The following SNPH variants were observed in gnomAD, a reference collection of about 807,000 sequenced individuals.
The protein encoded by SNPH is syntaphilin.
A neutral mutation model predicts 36.8 loss-of-function variants in SNPH; 10 were observed. The observed-to-expected ratio is 0.27, with a 90% CI of 0.17 to 0.46. The LOEUF is 0.46. Ranked by LOEUF, SNPH falls within the 20% of genes least tolerant of loss-of-function variation. SNPH has a pLI of 1.00. For synonymous variants in SNPH, 281 were observed against 312.2 expected (o/e 0.90, Z 1.05); for missense variants, 622 against 744.0 (o/e 0.84, Z 1.91).
chr20:1,282,058 C>T (rs1008967488), intron 2 of SNPH, among the ~76,000 whole-genome samples: 1 of 152,214 alleles, frequency 6.6e-6, no homozygotes, highest in African/African-American at 2.4e-5. Context: ...AGCTTGAACA[C>T]TTTGCCTTTT....
At chr20:1,303,603 TG>T (rs1397168711) in intron 6 of SNPH, among the ~76,000 whole-genome samples, 1 of 151,546 alleles carries the variant, frequency 6.6e-6, no homozygotes, top group Non-Finnish European at 1.5e-5. Context: ...TGTGTCCTGA[TG>T]GGTGGATGGG....
chr20:1,281,120 G>A (rs560708832), intron 2 of SNPH, among the ~76,000 whole-genome samples: 1 of 152,138 alleles, frequency 6.6e-6, no homozygotes, highest in Non-Finnish European at 1.5e-5. Context: ...CCACACAGAG[G>A]CCTGGGCGTC....
At chr20:1,278,567 C>A (rs888693154) in intron 2 of SNPH, among the ~76,000 whole-genome samples, 2 of 152,168 alleles carry the variant, frequency 1.3e-5, no homozygotes, top group African/African-American at 4.8e-5. Context: ...CAGATTACTT[C>A]ACATTTTCTA....
intron 5 of SNPH, among the ~76,000 whole-genome samples, chr20:1,299,969 G>T (rs960002921): frequency 2.0e-5 from 3 of 152,198 alleles, no homozygotes; most frequent in African/African-American, 7.2e-5. Flanking sequence ...CAGGCTGTGA[G>T]GGGTCTCAGC....
At chr20:1,291,577 T>A (rs1021139190) in intron 2 of SNPH, among the ~76,000 whole-genome samples, 1 of 152,176 alleles carries the variant, frequency 6.6e-6, no homozygotes, top group African/African-American at 2.4e-5. Flanking sequence ...CACCAGGCAC[T>A]CTGCTGTCTG....
Position 1,304,124 on chromosome 20 carries a change from C to T in SNPH, c.441-754C>T, listed in dbSNP as rs537330464. ...CTATCTTGTTCACCTGGTGCTTGCCCCCGTCGCTCAGGAGTAACTCTATGC... is the reference window on the plus strand; with the variant it reads ...CTATCTTGTTCACCTGGTGCTTGCCTCCGTCGCTCAGGAGTAACTCTATGC... On this transcript the variant is annotated intron_variant, in intron 6 of 6. Transcript: ENST00000381867. The surrounding 1 kb of genome is among the most constrained non-coding windows in gnomAD (Gnocchi z 4.3). Among the ~76,000 whole-genome samples, 2 of 152,246 alleles carry T rather than the reference C, an allele frequency of 1.3e-5. No individual in the cohort carries two copies. The highest frequency in any genetic ancestry group is 1.3e-4 in the Admixed American group (2 of 15,290).
Position 1,266,592 on chromosome 20 carries a change from G to A in SNPH, c.-599-62G>A. On this transcript the variant is annotated intron_variant, in intron 1 of 6. Coordinates refer to ENST00000381867, the MANE Select transcript of SNPH (RefSeq NM_001318234.2). This position sits in a 1 kb window ranked among gnomAD's most constrained non-coding sequence, Gnocchi z 6.0. ...GCTGTCAGCGGCCGGGGGCTCAGCT[G>A]CCTGGGTGTTCCCCGCCCGCGCTCA... The A allele has an allele frequency of 5.0e-6, 7 of 1,413,484 alleles. No individual in the cohort carries two copies. The highest frequency in any genetic ancestry group is 6.4e-6 in the Non-Finnish European group (7 of 1,090,576). 87.6% of individuals were successfully genotyped at this position (1,413,484 alleles called of 1,614,324 possible). A position where few individuals can be genotyped will look rare whatever the true frequency, so the allele number is the denominator to read the frequency against.
chr20:1,275,457 A>ATG lies in SNPH; in HGVS notation c.-493+8700_-493+8701dup, dbSNP rs2088121038. ...ACACTACATGTCGGGCACAGGGGAT[A>ATG]TGTGACCTTATAGCATCTTCCTGAC... On this transcript the variant is annotated intron_variant, in intron 2 of 6. Transcript: ENST00000381867. Among the ~76,000 whole-genome samples, 3 of 152,204 alleles carry ATG rather than the reference A, an allele frequency of 2.0e-5. No homozygotes were observed. The South Asian group carries it at 6.2e-4, about 31-fold the overall frequency.
rs117477881 is a variant in SNPH, at chr20:1,269,333, G to A, written c.-493+2573G>A. ...TCAGACAACTATGATTACCCTCAAC[G>A]TCATTTATGAAGTCCCAGACCATTA... is the stretch of plus-strand genomic sequence containing the variant. On this transcript the variant is annotated intron_variant, in intron 2 of 6. Transcript: ENST00000381867. Among the ~76,000 whole-genome samples the A allele has an allele frequency of 5.4e-3, 817 of 152,260 alleles. 5 individuals are homozygous for A. The highest frequency in any genetic ancestry group is 8.9e-3 in the Non-Finnish European group (607 of 68,016).
At chr20:1,268,681 G>A (rs959363937) in intron 2 of SNPH, among the ~76,000 whole-genome samples, 1 of 135,834 alleles carries the variant, frequency 7.4e-6, no homozygotes, top group Non-Finnish European at 1.5e-5. Context: ...TCCAGCCTCT[G>A]GCCCATGAGT....
rs147615575 is a variant in SNPH, at chr20:1,274,133, A to G, written c.-493+7373A>G. On this transcript the variant is annotated intron_variant, in intron 2 of 6. Transcript: ENST00000381867. ...AGAAAGAAGAAACTGGCCCAAAGTT[A>G]TATAAGCACAAGTGGTGGGGTGGGG... Among the ~76,000 whole-genome samples, 282 of 152,324 alleles carry G rather than the reference A, an allele frequency of 1.9e-3. 3 individuals carry two copies. The highest frequency in any genetic ancestry group is 2.5e-3 in the Non-Finnish European group (167 of 68,028).
rs1246319577 is a variant in SNPH at position 1,305,627 on chromosome 20, C to T, written c.1190C>T (p.Ala397Val). Residue 397 changes from alanine to valine, a missense_variant, in exon 7 of 7, where the codon GCC becomes GTC. This residue lies in a region of SNPH where 379 missense variants were observed against 427.9 expected (regional missense o/e 0.89). Coordinates refer to ENST00000381867, the MANE Select transcript of SNPH (RefSeq NM_001318234.2). ...ESGDRCPELD[A>V]HPSGPRDPNS... The stretch of plus-strand genomic sequence containing the variant: ...GGGGACAGGTGCCCAGAGCTGGATG[C>T]CCACCCTTCAGGGCCCAGAGACCCC... 7 of 1,613,510 alleles carry T rather than the reference C, an allele frequency of 4.3e-6. No homozygotes were observed. Among genetic ancestry groups the T allele is most frequent in the Non-Finnish European group, 5.9e-6 (7 of 1,180,008 alleles).
intron 2 of SNPH, among the ~76,000 whole-genome samples, chr20:1,292,055 T>C (rs2088368395): frequency 6.6e-6 from 1 of 152,234 alleles, no homozygotes; most frequent in Admixed American, 6.5e-5. Context: ...AATCTGACTC[T>C]TTGGTCTATT....
Position 1,306,018 on chromosome 20 carries a change from G to T in SNPH, c.1581G>T (p.Pro527=). The T allele has an allele frequency of 1.3e-6, 2 of 1,514,050 alleles. No homozygotes were observed. The highest frequency in any genetic ancestry group is 2.5e-5 in the East Asian group (1 of 40,724). The allele number at this position is 1,514,050 out of a possible 1,614,324, so 93.8% of individuals were successfully genotyped here. The change falls in exon 7 of 7, where the codon CCG becomes CCT. Residue 527 remains proline, a synonymous_variant. Transcript: ENST00000381867. ...RRISCRSLSQ[P]SPSPAGGGSQ... The stretch of plus-strand genomic sequence containing the variant: ...TCAGCTGCCGCTCGCTGAGCCAGCC[G>T]AGTCCCAGCCCAGCGGGCGGCGGCT...
In SNPH at chr20:1,306,532, A is replaced by C. The variant is rs2088581726; in HGVS notation, c.*478A>C. ...TCCTGGGCCAGTGCTCTCTCCTCAA[A>C]TGGAGGCAGCCATGGCCTGAAGTGC... On this transcript the variant is annotated 3_prime_UTR_variant, in exon 7 of 7. Transcript: ENST00000381867. The C allele has an allele frequency of 6.5e-6, 1 of 153,520 alleles. No homozygotes were observed. Among genetic ancestry groups the C allele is most frequent in the Non-Finnish European group, 1.4e-5 (1 of 68,990 alleles). 9.5% of individuals were successfully genotyped at this position (153,520 alleles called of 1,614,324 possible).
chr20:1,269,934 A>G (rs564490616), intron 2 of SNPH, among the ~76,000 whole-genome samples: 1 of 152,376 alleles, frequency 6.6e-6, no homozygotes, highest in African/African-American at 2.4e-5. Context: ...GGTCTTACCC[A>G]GAGTCGTACA....
chr20:1,267,351 C>T (rs1162077403), intron 2 of SNPH, among the ~76,000 whole-genome samples: 1 of 152,194 alleles, frequency 6.6e-6, no homozygotes, highest in African/African-American at 2.4e-5. Context: ...ACCTACTAGC[C>T]TGGGGAGCCC....
At chr20:1,283,751 C>T (rs1568542648) in intron 2 of SNPH, among the ~76,000 whole-genome samples, 3 of 152,206 alleles carry the variant, frequency 2.0e-5, no homozygotes, top group Admixed American at 2.0e-4. Flanking sequence ...GATACCTGGA[C>T]TCCTGGTCTA....
In SNPH at chr20:1,279,615, C is replaced by CTTTTTTTTTTTT. The variant is rs1259483361; in HGVS notation, c.-493+12857_-493+12858insTTTTTTTTTTTT. On this transcript the variant is annotated intron_variant, in intron 2 of 6. Coordinates refer to ENST00000381867, the MANE Select transcript of SNPH (RefSeq NM_001318234.2). ...AGACTGGTTTCCTGAGAGACTCCGG[C>CTTTTTTTTTTTT]TTCTTTTTTTTTTTTTTTTTTTGAG... 2.1e-3 allele frequency among the ~76,000 whole-genome samples: 232 copies of CTTTTTTTTTTTT among 111,620 alleles called. 8 individuals are homozygous for CTTTTTTTTTTTT. Among genetic ancestry groups the CTTTTTTTTTTTT allele is most frequent in the African/African-American group, 6.7e-3 (221 of 32,874 alleles). 73.2% of individuals were successfully genotyped at this position (111,620 alleles called of 152,430 possible).
Sources: allele counts gnomAD v4.1 joint callset (sites outside exome capture counted in the v4.1 genomes callset), GRCh38; gene constraint gnomAD v4.1.1; regional missense constraint gnomAD v4.1.1; non-coding constraint Gnocchi (gnomAD v3.1); transcripts MANE v1.5; gene names NCBI Gene and HGNC (gene_info 2026-07-23, HGNC 2026-07-21).